PTPN2: variants seen among roughly 807,000 people sequenced by gnomAD.
PTPN2 encodes the protein tyrosine-protein phosphatase non-receptor type 2.
Under a neutral mutation model 57.3 loss-of-function variants are expected in PTPN2, and 19 were observed. The observed-to-expected ratio is 0.33, with a 90% confidence interval of 0.23 to 0.49. The LOEUF is 0.49. PTPN2 is among the 20% of genes least tolerant of loss of function. The pLI, the probability that PTPN2 is intolerant of heterozygous loss-of-function variation, is 0.99. For synonymous variants in PTPN2, 153 were observed against 164.9 expected (o/e 0.93, Z 0.55); for missense variants, 358 against 501.1 (o/e 0.71, Z 2.73).
intron 1 of PTPN2, among the ~76,000 whole-genome samples, 158 bp from the exon 2 acceptor site, chr18:12,859,412 A>T (rs2043710640): frequency 6.6e-6 from 1 of 152,238 alleles, no homozygotes. Context: ...TCCTCACAAT[A>T]CTAATGGAAA....
At position 12,821,937 on chromosome 18, in the gene PTPN2, C is replaced by CG. The variant is rs1034048915; in HGVS notation, c.495+3872dup. Among the ~76,000 whole-genome samples the CG allele has an allele frequency of 3.4e-4, 51 of 152,016 alleles. No homozygotes were observed. The East Asian group carries it at 6.8e-3, about 20-fold the overall frequency. On this transcript the variant is annotated intron_variant, in intron 5 of 8. Coordinates refer to ENST00000309660, the MANE Select transcript of PTPN2 (RefSeq NM_002828.4). ...CTTAAAATGTACTCTTGTGTAATGGCGGGGGGGTACCAAGGCAGCAGATAA... is the reference window on the plus strand; with the variant it reads ...CTTAAAATGTACTCTTGTGTAATGGCGGGGGGGGTACCAAGGCAGCAGATAA...
At chr18:12,811,283 T>C (rs1051778548) in intron 7 of PTPN2, among the ~76,000 whole-genome samples, 20 of 152,258 alleles carry the variant, frequency 1.3e-4, no homozygotes, top group Admixed American at 1.1e-3. Flanking sequence ...AAATGTTAAA[T>C]TGTCTCCAGA....
chr18:12,820,473 G>C (rs970274418), intron 5 of PTPN2, among the ~76,000 whole-genome samples: 3 of 151,280 alleles, frequency 2.0e-5, no homozygotes, highest in African/African-American at 7.3e-5. Context: ...TTTCACGCAG[G>C]AAAAAAAATG....
Position 12,814,336 on chromosome 18 carries a change from A to G in PTPN2, c.725T>C (p.Ile242Thr). 6.3e-7 allele frequency: 1 copy of G among 1,597,040 alleles called. No individual in the cohort carries two copies. The highest frequency in any genetic ancestry group is 1.3e-5 in the African/African-American group (1 of 74,186). ...CLVLMEKGDDINIKQVLLNMR... is the reference protein window; with the variant it reads ...CLVLMEKGDDTNIKQVLLNMR... The stretch of plus-strand genomic sequence containing the variant: ...GTTCAGTAACACTTGTTTTATGTTA[A>G]TATCATCTCCTTTTTCCATCTGCAA... The change falls in exon 7 of 9, where the codon ATT (isoleucine) becomes ACT (threonine). Residue 242 changes from isoleucine (I) to threonine (T), a missense_variant. Around this residue, in one of 4 missense-constraint regions of PTPN2, gnomAD observed 193 missense variants for 315.4 expected, o/e 0.61. Transcript: ENST00000309660.
chr18:12,840,940 TG>T, intron 2 of PTPN2: 2 of 1,501,280 alleles, frequency 1.3e-6, no homozygotes, highest in Non-Finnish European at 1.8e-6. Flanking sequence ...CATGATGAAC[TG>T]GTCTGTTCCC....
intron 1 of PTPN2, 66 bp from the exon 2 acceptor site, chr18:12,859,320 A>G (rs1162846124): frequency 1.8e-6 from 2 of 1,120,314 alleles, no homozygotes; most frequent in Non-Finnish European, 2.6e-6. Flanking sequence ...TTATCTTCCC[A>G]GCCAGCGTAA....
intron 6 of PTPN2, among the ~76,000 whole-genome samples, chr18:12,815,095 A>C (rs1293945240): frequency 1.6e-5 from 1 of 63,342 alleles, no homozygotes; most frequent in East Asian, 3.2e-4. Context: ...AAAATAAATA[A>C]ATAAATAAAT....
intron 4 of PTPN2, among the ~76,000 whole-genome samples, chr18:12,827,755 A>G (rs1280230238): frequency 1.3e-5 from 2 of 152,182 alleles, no homozygotes; most frequent in African/African-American, 4.8e-5. Context: ...AACGTGACAA[A>G]TAAAAAAGGT....
chr18:12,835,003 A>T (rs2042804169), intron 3 of PTPN2, among the ~76,000 whole-genome samples: 1 of 152,160 alleles, frequency 6.6e-6, no homozygotes, highest in African/African-American at 2.4e-5. Context: ...GAACCTGCAG[A>T]TACAAAGAGT....
intron 1 of PTPN2, among the ~76,000 whole-genome samples, chr18:12,881,275 A>C (rs1175425649): frequency 1.3e-5 from 2 of 152,106 alleles, no homozygotes; most frequent in African/African-American, 2.4e-5. Flanking sequence ...TCTCTACTAA[A>C]AGTACAAAAA....
chr18:12,834,055 G>A (rs62097819), intron 3 of PTPN2, among the ~76,000 whole-genome samples: 33,872 of 152,046 alleles, frequency 0.22, 4,355 homozygotes, highest in South Asian at 0.53. Context: ...GGCTGGGCAC[G>A]GTGGCTCACC....
intron 2 of PTPN2, among the ~76,000 whole-genome samples, chr18:12,842,583 AG>A: frequency 6.6e-6 from 1 of 152,266 alleles, no homozygotes; most frequent in Middle Eastern, 3.4e-3. Flanking sequence ...CAGTGTTCCA[AG>A]CACAGAGAAC....
intron 1 of PTPN2, among the ~76,000 whole-genome samples, chr18:12,873,082 G>A (rs1254140171): frequency 4.6e-5 from 7 of 152,162 alleles, no homozygotes; most frequent in Non-Finnish European, 8.8e-5. Context: ...TTAGCTGGGT[G>A]TGGTGGCGCA....
intron 1 of PTPN2, among the ~76,000 whole-genome samples, chr18:12,870,364 TGTATATATACATATATATAC>T (rs1568169005): frequency 2.9e-5 from 1 of 34,634 alleles, no homozygotes; most frequent in African/African-American, 1.7e-4. Context: ...TATATATATG[TGTATATATACATATATATAC>T]GTATATATGT....
At chr18:12,828,960 C>T (rs1277939825) in intron 4 of PTPN2, among the ~76,000 whole-genome samples, 4 of 152,012 alleles carry the variant, frequency 2.6e-5, no homozygotes, top group South Asian at 2.1e-4. Context: ...TGCAGTGGCA[C>T]GACCATAGCT....
rs556714953 is a variant in PTPN2 at position 12,831,090 on chromosome 18, G to A, written c.262-49C>T. On this transcript the variant is annotated intron_variant, in intron 3 of 8. Coordinates refer to ENST00000309660, the MANE Select transcript of PTPN2 (RefSeq NM_002828.4). The stretch of plus-strand genomic sequence containing the variant: ...CAGATGAGGGAAGCAGACAGAAAGA[G>A]CAAGGCTCCAGGAAGGCCTTGTTAA... 1.3e-4 allele frequency: 178 copies of A among 1,363,862 alleles called. 2 individuals carry two copies. The South Asian group carries it at 2.0e-3, about 15-fold the overall frequency. The allele number at this position is 1,363,862 out of a possible 1,614,324, so 84.5% of individuals were successfully genotyped here. A position where few individuals can be genotyped will look rare whatever the true frequency, so the allele number is the denominator to read the frequency against.
chr18:12,878,565 G>A (rs546037448), intron 1 of PTPN2, among the ~76,000 whole-genome samples: 41 of 152,138 alleles, frequency 2.7e-4, no homozygotes, highest in Middle Eastern at 6.8e-3. Context: ...AGCTACTCGG[G>A]AGGCTGAGGC....
At chr18:12,785,561 TA>T (rs2040827402) in exon 10 of PTPN2, 4 of 534,544 alleles carry the variant, frequency 7.5e-6, no homozygotes, top group Non-Finnish European at 1.3e-5. Flanking sequence ...TAATCTCCCC[TA>T]ATTTATTTCT....
At chr18:12,851,828 G>T (rs914019910) in intron 2 of PTPN2, among the ~76,000 whole-genome samples, 2 of 152,106 alleles carry the variant, frequency 1.3e-5, no homozygotes, top group African/African-American at 4.8e-5. Flanking sequence ...ACAAACCATG[G>T]ACTATGTAAC....
Sources: allele counts gnomAD v4.1 joint callset (sites outside exome capture counted in the v4.1 genomes callset), GRCh38; gene constraint gnomAD v4.1.1; regional missense constraint gnomAD v4.1.1; transcripts MANE v1.5; gene names NCBI Gene and HGNC (gene_info 2026-07-23, HGNC 2026-07-21).